Variants in TFDP1 observed in about 807,000 individuals in gnomAD.
The protein encoded by TFDP1 is transcription factor Dp-1.
A neutral mutation model predicts 48.0 loss-of-function variants in TFDP1; 6 were observed. The ratio of observed to expected loss-of-function variants is 0.13; its 90% CI spans 0.07 to 0.25. The LOEUF is 0.25. Among genes scored for constraint, TFDP1 ranks in the 10% least tolerant of loss-of-function variants. The pLI, the probability that TFDP1 is intolerant of heterozygous loss-of-function variation, is 1.00. For missense variants in TFDP1, 335 were observed against 543.0 expected (o/e 0.62, Z 3.81); for synonymous variants, 201 against 211.6 (o/e 0.95, Z 0.44).
At chr13:113,622,664 T>C (rs928246522) in intron 3 of TFDP1, among the ~76,000 whole-genome samples, 5 of 152,206 alleles carry the variant, frequency 3.3e-5, no homozygotes, top group East Asian at 1.9e-4. Context: ...GGTCTCCCGC[T>C]TGCTTCACCA....
intron 3 of TFDP1, among the ~76,000 whole-genome samples, chr13:113,619,267 G>A (rs980648217): frequency 4.6e-5 from 7 of 152,154 alleles, no homozygotes; most frequent in African/African-American, 9.7e-5. Flanking sequence ...GAGGTCAGGC[G>A]TTCAAGACCA....
At chr13:113,587,194 TG>T (rs1298041001) in intron 2 of TFDP1, among the ~76,000 whole-genome samples, 1 of 150,510 alleles carries the variant, frequency 6.6e-6, no homozygotes, top group Non-Finnish European at 1.5e-5. Flanking sequence ...AGGCTGGGGG[TG>T]GGGGGCGTGT....
At chr13:113,600,387 A>G (rs969156994) in intron 2 of TFDP1, among the ~76,000 whole-genome samples, 1 of 148,300 alleles carries the variant, frequency 6.7e-6, no homozygotes, top group Non-Finnish European at 1.5e-5. Flanking sequence ...AGAACCCAGG[A>G]CCGTAAGCGA....
chr13:113,606,044 G>A (rs371734604), intron 2 of TFDP1, among the ~76,000 whole-genome samples: 118 of 134,854 alleles, frequency 8.8e-4, no homozygotes, highest in African/African-American at 3.1e-3. Context: ...ATGAGTGTCC[G>A]CAGGGGATCC....
At position 113,605,872 on chromosome 13, in the gene TFDP1, GAAGGCGGTGCGGTGATGAGTGTCC is replaced by G. The variant is rs1349188956; in HGVS notation, c.13-5116_13-5093del. 2.0e-4 allele frequency among the ~76,000 whole-genome samples: 29 copies of G among 143,644 alleles called. 1 individual carries two copies. In the East Asian group the frequency reaches 3.3e-3, roughly 16 times the overall value. 94.2% of individuals were successfully genotyped at this position (143,644 alleles called of 152,430 possible). ...TGAGTGTCCGCAGGGGATCCTGTGG[GAAGGCGGTGCGGTGATGAGTGTCC>G]AAGGCGGCGCGGTGATGAGTGTCCA... is the stretch of plus-strand genomic sequence containing the variant. On this transcript the variant is annotated intron_variant, in intron 2 of 11. Coordinates refer to ENST00000375370, the MANE Select transcript of TFDP1 (RefSeq NM_007111.5).
chr13:113,598,219 C>A lies in TFDP1; in HGVS notation c.12+12370C>A, dbSNP rs1446075177. On this transcript the variant is annotated intron_variant, in intron 2 of 11. Transcript: ENST00000375370. This position sits in a 1 kb window ranked among gnomAD's most constrained non-coding sequence, Gnocchi z 4.2. Reference sequence around the variant, plus strand: ...TTCATACCACACAACCCGGTGCAGCCCACCCCAAAGACAGCGGGAGGCAGG... The same window carrying A: ...TTCATACCACACAACCCGGTGCAGCACACCCCAAAGACAGCGGGAGGCAGG... Among the ~76,000 whole-genome samples, 1 of 152,120 alleles carries A rather than the reference C, an allele frequency of 6.6e-6. No individual in the cohort carries two copies. Among genetic ancestry groups the A allele is most frequent in the Non-Finnish European group, 1.5e-5 (1 of 68,042 alleles).
chr13:113,632,484 T>C (rs919220060), intron 5 of TFDP1, among the ~76,000 whole-genome samples: 6 of 152,264 alleles, frequency 3.9e-5, no homozygotes, highest in African/African-American at 1.4e-4. Flanking sequence ...TAGTTCCTGA[T>C]TCTGGCTGCC....
intron 4 of TFDP1, among the ~76,000 whole-genome samples, chr13:113,625,180 GTCC>G (rs2049109858): frequency 8.1e-6 from 1 of 123,288 alleles, no homozygotes; most frequent in Non-Finnish European, 1.6e-5. Context: ...TCTCTCACGT[GTCC>G]TCAGGTGTCT....
chr13:113,626,313 G>A (rs1201225500), intron 4 of TFDP1, among the ~76,000 whole-genome samples: 6 of 152,130 alleles, frequency 3.9e-5, no homozygotes, highest in Non-Finnish European at 7.3e-5. Flanking sequence ...GGGATATTTT[G>A]GTCATTTTTG....
At chr13:113,612,019 A>G (rs1226659393) in intron 3 of TFDP1, among the ~76,000 whole-genome samples, 1 of 152,174 alleles carries the variant, frequency 6.6e-6, no homozygotes, top group East Asian at 1.9e-4. Context: ...TTATTCCCAT[A>G]TATAAAATTA....
At chr13:113,616,219 AAG>A (rs1491337074) in intron 3 of TFDP1, among the ~76,000 whole-genome samples, 2,677 of 141,832 alleles carry the variant, frequency 0.019, 109 homozygotes, top group African/African-American at 0.066. Context: ...AAAAAAAAAA[AAG>A]AGTAAGTGTG....
intron 2 of TFDP1, among the ~76,000 whole-genome samples, chr13:113,589,717 A>C (rs2048094198): frequency 6.6e-6 from 1 of 152,220 alleles, no homozygotes; most frequent in African/African-American, 2.4e-5. Context: ...ACCTCCTTAG[A>C]GTCGGACAGA....
intron 7 of TFDP1, 66 bp from the exon 8 acceptor site, chr13:113,634,468 G>T: frequency 7.4e-7 from 1 of 1,347,232 alleles, no homozygotes; most frequent in South Asian, 1.2e-5. Context: ...GTGAGGATGT[G>T]GGTTTTAAAA....
Position 113,641,400 on chromosome 13 carries a change from CTT to C in TFDP1, c.*1135_*1136del, listed in dbSNP as rs1045917073. The C allele has an allele frequency of 5.3e-5, 8 of 152,290 alleles. No individual in the cohort carries two copies. The South Asian group carries it at 1.5e-3, about 28-fold the overall frequency. 9.4% of individuals were successfully genotyped at this position (152,290 alleles called of 1,614,324 possible). ...TAATATTTTATGGTATATAAAGAGA[CTT>C]TAATTGTTTGACTTGTTTAACTTGG... On this transcript the variant is annotated 3_prime_UTR_variant, in exon 12 of 12. Coordinates refer to ENST00000375370, the MANE Select transcript of TFDP1 (RefSeq NM_007111.5).
rs115613730 is a variant in TFDP1, at chr13:113,607,683, C to A, written c.13-3313C>A. Among the ~76,000 whole-genome samples, 174 of 152,312 alleles carry A rather than the reference C, an allele frequency of 1.1e-3. No individual in the cohort carries two copies. Among genetic ancestry groups the A allele is most frequent in the African/African-American group, 4.1e-3 (171 of 41,576 alleles). On this transcript the variant is annotated intron_variant, in intron 2 of 11. Coordinates refer to ENST00000375370, the MANE Select transcript of TFDP1 (RefSeq NM_007111.5). The surrounding 1 kb of genome is among the most constrained non-coding windows in gnomAD (Gnocchi z 5.2). Reference sequence around the variant, plus strand: ...TGGAAGGGCCGCCCGGGTCCACAACCTGGCCCGTTAACTCCCTGGGCAGCT... The same window carrying A: ...TGGAAGGGCCGCCCGGGTCCACAACATGGCCCGTTAACTCCCTGGGCAGCT...
At position 113,612,097 on chromosome 13, in the gene TFDP1, G is replaced by A. The variant is rs4150739; in HGVS notation, c.79+1035G>A. ...TCAGTGCTTGCCATGGCTCTGGGGC[G>A]TGGGAGTGTGGTGACCAGGCCCCCA... On this transcript the variant is annotated intron_variant, in intron 3 of 11. Transcript: ENST00000375370. Among the ~76,000 whole-genome samples the A allele has an allele frequency of 3.6e-3, 548 of 152,328 alleles. 1 individual carries two copies. Among genetic ancestry groups the A allele is most frequent in the African/African-American group, 8.6e-3 (359 of 41,564 alleles).
intron 11 of TFDP1, among the ~76,000 whole-genome samples, chr13:113,638,305 A>C (rs1317811224): frequency 6.6e-6 from 1 of 150,958 alleles, no homozygotes; most frequent in Non-Finnish European, 1.5e-5. Flanking sequence ...TAGTTTTCAG[A>C]ACGTGTCTGC....
Position 113,634,569 on chromosome 13 carries a change from G to T in TFDP1, c.654G>T (p.Gln218His). 6.2e-7 allele frequency: 1 copy of T among 1,613,550 alleles called. No individual in the cohort carries two copies. Among genetic ancestry groups the T allele is most frequent in the African/African-American group, 1.3e-5 (1 of 75,040 alleles). Residue 218 changes from glutamine to histidine, a missense_variant, in exon 8 of 12, where the codon CAG becomes CAT. Physicochemically the swap from Gln to His is conservative, Grantham distance 24 (BLOSUM62 0). Around this residue, in one of 3 missense-constraint regions of TFDP1, gnomAD observed 204 missense variants for 287.1 expected, o/e 0.71. Coordinates refer to ENST00000375370, the MANE Select transcript of TFDP1 (RefSeq NM_007111.5). Reference sequence around the variant, plus strand: ...AGAGGAGACTTGAAAGAATAAAACAGAAACAGTCTCAACTTCAAGAACTTA... The same window carrying T: ...AGAGGAGACTTGAAAGAATAAAACATAAACAGTCTCAACTTCAAGAACTTA... ...ERQRRLERIKQKQSQLQELIL... is the reference protein window; with the variant it reads ...ERQRRLERIKHKQSQLQELIL...
intron 3 of TFDP1, among the ~76,000 whole-genome samples, chr13:113,613,736 GTGTC>G (rs60702776): frequency 5.8e-4 from 67 of 116,512 alleles, no homozygotes; most frequent in Middle Eastern, 4.4e-3. Context: ...GTGCATGAGT[GTGTC>G]TGTGTGTATG....
Sources: gnomAD v4.1 joint callset for allele counts (sites outside exome capture counted in the v4.1 genomes callset) on GRCh38, gnomAD v4.1.1 for gene constraint, gnomAD v4.1.1 regional missense constraint, Gnocchi (gnomAD v3.1) non-coding constraint, MANE v1.5 for transcripts, NCBI Gene and HGNC (gene_info 2026-07-23, HGNC 2026-07-21) for gene names.